The following GSTP1 variants were observed in gnomAD, a reference collection of about 807,000 sequenced individuals.
GSTP1 encodes glutathione S-transferase P.
A neutral mutation model predicts 29.4 loss-of-function variants in GSTP1; 28 were observed. That is an observed-to-expected ratio of 0.95 (90% CI 0.71 to 1.30). The LOEUF (loss-of-function observed/expected upper bound fraction) is 1.30, where lower values mean the gene tolerates loss of function less well. GSTP1 is among the 50% of genes most tolerant of loss of function. GSTP1 has a pLI of 0.00. For missense variants in GSTP1, 267 were observed against 266.1 expected (o/e 1.00, Z -0.02); for synonymous variants, 122 against 117.0 (o/e 1.04, Z -0.28).
chr11:67,583,954 G>A, intron 1 of GSTP1, 110 bp downstream of exon 1: 3 of 675,600 alleles, frequency 4.4e-6, no homozygotes, highest in Non-Finnish European at 8.2e-6. Flanking sequence ...CCCACCTCGA[G>A]ACCCGGGACG....
At chr11:67,584,220 C>A in intron 2 of GSTP1, 51 bp downstream of exon 2, 1 of 1,424,500 alleles carries the variant, frequency 7.0e-7, no homozygotes, top group Non-Finnish European at 9.9e-7. Flanking sequence ...GGGCTGCAGC[C>A]CACAGCCCCT....
rs757687772 is a variant in GSTP1 at position 67,586,372 on chromosome 11, GC to G, written c.445-11del. On this transcript the variant is annotated splice_polypyrimidine_tract_variant and intron_variant, in intron 6 of 6. Transcript: ENST00000398606. ...CCTGCTCCCGCTGGCTGAGTCCCTG[GC>G]CCCCCTGCCCTGCAGATCTCCTTCG... 3.1e-6 allele frequency: 5 copies of G among 1,603,454 alleles called. No individual in the cohort carries two copies. The highest frequency in any genetic ancestry group is 1.1e-5 in the South Asian group (1 of 90,152).
At chr11:67,585,020 C>G (rs1380860496) in intron 4 of GSTP1, 118 bp from the exon 5 acceptor site, 5 of 681,448 alleles carry the variant, frequency 7.3e-6, no homozygotes, top group Non-Finnish European at 1.3e-5. Context: ...CACGCACATC[C>G]TCTTCCCCTC....
In GSTP1 at chr11:67,584,147, C is replaced by G. The variant is rs771852871; in HGVS notation, c.15C>G (p.Thr5=). 4 of 1,612,894 alleles carry G rather than the reference C, an allele frequency of 2.5e-6. No individual in the cohort carries two copies. Among genetic ancestry groups the G allele is most frequent in the Admixed American group, 3.3e-5 (2 of 59,986 alleles). Residue 5 remains threonine, a synonymous_variant, in exon 2 of 7, where the codon ACC becomes ACG. Transcript: ENST00000398606. The stretch of plus-strand genomic sequence containing the variant: ...TGTTCGCTGCAGTGCCGCCCTACAC[C>G]GTGGTCTATTTCCCAGTTCGAGGTA... The part of the protein sequence containing the change: MPPY[T]VVYFPVRGRC...
Position 67,584,455 on chromosome 11 carries a change from T to A in GSTP1, c.38-9T>A, listed in dbSNP as rs1459961868. The A allele has an allele frequency of 6.8e-7, 1 of 1,463,824 alleles. No individual in the cohort carries two copies. The highest frequency in any genetic ancestry group is 9.2e-7 in the Non-Finnish European group (1 of 1,091,610). The allele number at this position is 1,463,824 out of a possible 1,614,324, so 90.7% of individuals were successfully genotyped here. A position where few individuals can be genotyped will look rare whatever the true frequency, so the allele number is the denominator to read the frequency against. On this transcript the variant is annotated splice_polypyrimidine_tract_variant and intron_variant, in intron 2 of 6. Coordinates refer to ENST00000398606, the MANE Select transcript of GSTP1 (RefSeq NM_000852.4). ...GGTCCCCACATCTCGTACTTCTCCC[T>A]CCCCGCAGGCCGCTGCGCGGCCCTG...
intron 5 of GSTP1, 82 bp downstream of exon 5, chr11:67,585,323 G>A: frequency 1.0e-6 from 1 of 985,036 alleles, no homozygotes; most frequent in Admixed American, 2.0e-5. Flanking sequence ...TTACCCCTCA[G>A]GTGGCTTGGG....
At position 67,586,412 on chromosome 11, in the gene GSTP1, G is replaced by C; in HGVS notation, c.468G>C (p.Leu156=). 1.2e-6 allele frequency: 2 copies of C among 1,614,080 alleles called. No individual in the cohort carries two copies. The highest frequency in any genetic ancestry group is 2.2e-5 in the South Asian group (2 of 91,072). Residue 156 remains leucine (L), a synonymous_variant, in exon 7 of 7, where the codon CTG becomes CTC. Coordinates refer to ENST00000398606, the MANE Select transcript of GSTP1 (RefSeq NM_000852.4). The part of the protein sequence containing the change: ...GDQISFADYN[L]LDLLLIHEVL... The stretch of plus-strand genomic sequence containing the variant: ...AGATCTCCTTCGCTGACTACAACCT[G>C]CTGGACTTGCTGCTGATCCATGAGG...
At position 67,584,459 on chromosome 11, in the gene GSTP1, C is replaced by T. The variant is rs8191447; in HGVS notation, c.38-5C>T. ...CCCACATCTCGTACTTCTCCCTCCC[C>T]GCAGGCCGCTGCGCGGCCCTGCGCA... On this transcript the variant is annotated splice_region_variant and splice_polypyrimidine_tract_variant and intron_variant, in intron 2 of 6. Transcript: ENST00000398606. 45 of 1,483,602 alleles carry T rather than the reference C, an allele frequency of 3.0e-5. No individual in the cohort carries two copies. The highest frequency in any genetic ancestry group is 5.6e-5 in the African/African-American group (4 of 70,952). 91.9% of individuals were successfully genotyped at this position (1,483,602 alleles called of 1,614,324 possible).
rs551651791 is a variant in GSTP1 at position 67,584,513 on chromosome 11, G to A, written c.87G>A (p.Trp29Ter). The A allele has an allele frequency of 1.3e-6, 2 of 1,577,610 alleles. No homozygotes were observed. Among genetic ancestry groups the A allele is most frequent in the South Asian group, 2.3e-5 (2 of 87,724 alleles). The change falls in exon 3 of 7, where the codon TGG (tryptophan) becomes TGA (stop). Residue 29 changes from tryptophan to a stop codon, truncating the protein, a stop_gained. Transcript: ENST00000398606. LOFTEE classifies it high-confidence loss of function. Reference sequence around the variant, plus strand: ...TGCTGGCAGATCAGGGCCAGAGCTGGAAGGAGGAGGTGGTGACCGTGGAGA... The same window carrying A: ...TGCTGGCAGATCAGGGCCAGAGCTGAAAGGAGGAGGTGGTGACCGTGGAGA... ...RMLLADQGQS[W>*]KEEVVTVETW...
At chr11:67,584,012 G>T in intron 1 of GSTP1, 122 bp from the exon 2 acceptor site, 2 of 791,390 alleles carry the variant, frequency 2.5e-6, no homozygotes, top group East Asian at 5.4e-5. Context: ...GCGGCTTTCA[G>T]GGGGCCCGGA....
intron 5 of GSTP1, 29 bp from the exon 6 acceptor site, chr11:67,586,075 G>C: frequency 6.5e-7 from 1 of 1,540,520 alleles, no homozygotes; most frequent in East Asian, 2.2e-5. Flanking sequence ...AGGGATGAGA[G>C]TAGGATGATA....
rs1867434449 is a variant in GSTP1 at position 67,584,583 on chromosome 11, G to T, written c.144+13G>T. 3.1e-6 allele frequency: 5 copies of T among 1,589,784 alleles called. No individual in the cohort carries two copies. In the East Asian group the frequency reaches 1.1e-4, roughly 36 times the overall value. On this transcript the variant is annotated intron_variant, in intron 3 of 6. Transcript: ENST00000398606. ...CAAAGCCTCCTGCGTAAGTGACCATGCCCGGGCAAGGGGAGGGGGTGCTGG... is the reference window on the plus strand; with the variant it reads ...CAAAGCCTCCTGCGTAAGTGACCATTCCCGGGCAAGGGGAGGGGGTGCTGG...
chr11:67,584,630 G>A (rs939212475), intron 3 of GSTP1, 55 bp from the exon 4 acceptor site: 12 of 1,575,740 alleles, frequency 7.6e-6, no homozygotes, highest in African/African-American at 1.3e-5. Context: ...CTGTGACTAG[G>A]ATCGGGGGAC....
rs772314861 is a variant in GSTP1, at chr11:67,584,577, G to C, written c.144+7G>C. 18 of 1,593,756 alleles carry C rather than the reference G, an allele frequency of 1.1e-5. No individual in the cohort carries two copies. The highest frequency in any genetic ancestry group is 1.0e-4 in the South Asian group (9 of 90,436). On this transcript the variant is annotated splice_region_variant and intron_variant, in intron 3 of 6. Coordinates refer to ENST00000398606, the MANE Select transcript of GSTP1 (RefSeq NM_000852.4). ...CTCACTCAAAGCCTCCTGCGTAAGTGACCATGCCCGGGCAAGGGGAGGGGG... is the reference window on the plus strand; with the variant it reads ...CTCACTCAAAGCCTCCTGCGTAAGTCACCATGCCCGGGCAAGGGGAGGGGG...
rs77908184 is a variant in GSTP1, at chr11:67,584,133, G to C, written c.2-1G>C. 8 of 1,612,514 alleles carry C rather than the reference G, an allele frequency of 5.0e-6. No homozygotes were observed. In the African/African-American group the frequency reaches 9.3e-5, roughly 19 times the overall value. On this transcript the variant is annotated splice_acceptor_variant, in intron 1 of 6. Coordinates refer to ENST00000398606, the MANE Select transcript of GSTP1 (RefSeq NM_000852.4). LOFTEE classifies it high-confidence loss of function. ...AGCAAACTTTTCTTTGTTCGCTGCA[G>C]TGCCGCCCTACACCGTGGTCTATTT... is the stretch of plus-strand genomic sequence containing the variant.
At position 67,586,090 on chromosome 11, in the gene GSTP1, G is replaced by T. The variant is rs369775780; in HGVS notation, c.337-14G>T. ...AGGGATGAGAGTAGGATGATACATG[G>T]TGGTGTCTGGCAGGAGGCGGGCAAG... On this transcript the variant is annotated splice_polypyrimidine_tract_variant and intron_variant, in intron 5 of 6. Transcript: ENST00000398606. 1 of 1,596,114 alleles carries T rather than the reference G, an allele frequency of 6.3e-7. No individual in the cohort carries two copies. Among genetic ancestry groups the T allele is most frequent in the Non-Finnish European group, 8.6e-7 (1 of 1,163,836 alleles).
chr11:67,584,064 G>GT (rs570822477), intron 1 of GSTP1, 70 bp from the exon 2 acceptor site: 5 of 1,301,868 alleles, frequency 3.8e-6, no homozygotes, highest in Admixed American at 1.8e-5. Flanking sequence ...GGGGAGGGGG[G>GT]GCAGACTGCG....
At chr11:67,584,024 C>T (rs1181067809) in intron 1 of GSTP1, 110 bp from the exon 2 acceptor site, 2 of 815,222 alleles carry the variant, frequency 2.5e-6, no homozygotes, top group Non-Finnish European at 4.0e-6. Flanking sequence ...GGGCCCGGAG[C>T]GCCTCGGGGA....
At position 67,584,549 on chromosome 11, in the gene GSTP1, G is replaced by T; in HGVS notation, c.123G>T (p.Glu41Asp). 6.2e-7 allele frequency: 1 copy of T among 1,602,428 alleles called. No individual in the cohort carries two copies. Among genetic ancestry groups the T allele is most frequent in the Non-Finnish European group, 8.5e-7 (1 of 1,174,394 alleles). Residue 41 changes from glutamate to aspartate, a missense_variant, in exon 3 of 7, where the codon GAG (glutamate) becomes GAT (aspartate). Physicochemically the swap from Glu to Asp is conservative, Grantham distance 45. Coordinates refer to ENST00000398606, the MANE Select transcript of GSTP1 (RefSeq NM_000852.4). ...TGGTGACCGTGGAGACGTGGCAGGA[G>T]GGCTCACTCAAAGCCTCCTGCGTAA... The part of the protein sequence containing the change: ...EEVVTVETWQ[E>D]GSLKASCLYG...
Sources: gnomAD v4.1 joint callset for allele counts on GRCh38, gnomAD v4.1.1 for gene constraint, MANE v1.5 for transcripts, NCBI Gene and HGNC (gene_info 2026-07-23, HGNC 2026-07-21) for gene names.